UNC13C: variants seen among roughly 807,000 people sequenced by gnomAD.
UNC13C encodes unc-13 homolog C, also known as protein unc-13 homolog C.
Under a neutral mutation model 245.4 loss-of-function variants are expected in UNC13C, and 174 were observed. The observed-to-expected ratio is 0.71, with a 90% CI of 0.63 to 0.80. UNC13C has a LOEUF of 0.80. Among genes scored for constraint, UNC13C ranks in the 30% least tolerant of loss-of-function variants. The probability of loss-of-function intolerance (pLI) is 0.00; values close to 1 mark genes in which losing one functional copy is unlikely to be tolerated. For synonymous variants in UNC13C, 992 were observed against 895.1 expected (o/e 1.11, Z -1.93); for missense variants, 2,829 against 2,602.9 (o/e 1.09, Z -1.89).
chr15:54,195,131 TCAA>T (rs2034310599), intron 4 of UNC13C, among the ~76,000 whole-genome samples: 1 of 101,264 alleles, frequency 9.9e-6, no homozygotes. Context: ...AAATGGAATT[TCAA>T]TCCCCATGAT....
intron 19 of UNC13C, among the ~76,000 whole-genome samples, chr15:54,462,006 T>A (rs927380774): frequency 5.9e-5 from 9 of 152,170 alleles, no homozygotes; most frequent in Non-Finnish European, 1.2e-4. Context: ...TTTGTGGCCA[T>A]CACTTGAAGG....
intron 30 of UNC13C, 81 bp downstream of exon 30, chr15:54,568,028 C>A: frequency 3.6e-6 from 4 of 1,116,830 alleles, no homozygotes; most frequent in South Asian, 6.6e-5. Context: ...ATACATAGTC[C>A]CAATAATTTT....
In UNC13C at chr15:54,622,380, G is replaced by A. The variant is rs759743898; in HGVS notation, c.6160G>A (p.Ala2054Thr). 5 of 1,613,214 alleles carry A rather than the reference G, an allele frequency of 3.1e-6. No individual in the cohort carries two copies. Residue 2054 changes from alanine to threonine, a missense_variant, in exon 31 of 33, where the codon GCC becomes ACC. By Grantham distance (58) the Ala-to-Thr change is moderately conservative. Transcript: ENST00000260323. ...GQISVHVDIT[A>T]TPGTGDHKVT... is the part of the protein sequence containing the mutation. Reference sequence around the variant, plus strand: ...GATATCTGTTCATGTGGACATCACTGCCACCCCAGGAACGGGAGATCATAA... The same window carrying A: ...GATATCTGTTCATGTGGACATCACTACCACCCCAGGAACGGGAGATCATAA...
chr15:53,950,869 C>T, the UNC13C span, among the ~76,000 whole-genome samples: 1 of 152,158 alleles, frequency 6.6e-6, no homozygotes, highest in Admixed American at 6.5e-5. Flanking sequence ...AAGACAAGTC[C>T]ATGTCTTCAT....
At chr15:54,111,949 C>A (rs1900799382) in intron 2 of UNC13C, among the ~76,000 whole-genome samples, 1 of 152,100 alleles carries the variant, frequency 6.6e-6, no homozygotes, top group Admixed American at 6.6e-5. Flanking sequence ...GAACCTTTTG[C>A]CACAGAGGTT....
chr15:53,902,080 G>A, the UNC13C span, among the ~76,000 whole-genome samples: 16 of 148,910 alleles, frequency 1.1e-4, no homozygotes, highest in African/African-American at 3.9e-4. Flanking sequence ...GTTCTCTCAG[G>A]CATACTTTTT....
At chr15:54,579,818 G>A (rs1367247509) in intron 30 of UNC13C, among the ~76,000 whole-genome samples, 1 of 152,170 alleles carries the variant, frequency 6.6e-6, no homozygotes, top group Non-Finnish European at 1.5e-5. Context: ...TGCTTTGTGA[G>A]TAGCACAATC....
chr15:54,272,830 A>T (rs2036722366), intron 10 of UNC13C, among the ~76,000 whole-genome samples: 1 of 152,192 alleles, frequency 6.6e-6, no homozygotes. Context: ...GGAGTTATGG[A>T]GAGATCTAAA....
At chr15:54,616,872 T>G (rs1900471501) in intron 30 of UNC13C, among the ~76,000 whole-genome samples, 1 of 152,060 alleles carries the variant, frequency 6.6e-6, no homozygotes, top group African/African-American at 2.4e-5. Context: ...CAAGCTCCAT[T>G]CATGGTAAGG....
chr15:54,014,175 C>A lies in UNC13C; in HGVS notation c.1272C>A (p.Ser424=). Residue 424 remains serine, a synonymous_variant, in exon 2 of 33, where the codon TCC becomes TCA. Coordinates refer to ENST00000260323, the MANE Select transcript of UNC13C (RefSeq NM_001080534.3). ...GAAAAGAGAAAGGGATACCATCCTC[C>A]CAGACATATGAGAGCATGGCTATAA... ...RERKEKGIPS[S]QTYESMAIKL... The A allele has an allele frequency of 6.2e-7, 1 of 1,613,804 alleles. No homozygotes were observed. The highest frequency in any genetic ancestry group is 8.5e-7 in the Non-Finnish European group (1 of 1,179,832).
At chr15:54,160,028 C>A (rs374056383) in intron 4 of UNC13C, among the ~76,000 whole-genome samples, 1 of 152,038 alleles carries the variant, frequency 6.6e-6, no homozygotes, top group East Asian at 1.9e-4. Flanking sequence ...AAAAATTAAA[C>A]CTTTGTTGTG....
intron 25 of UNC13C, among the ~76,000 whole-genome samples, chr15:54,532,155 C>A (rs1486969835): frequency 6.6e-6 from 1 of 152,084 alleles, no homozygotes; most frequent in Non-Finnish European, 1.5e-5. Flanking sequence ...AGTTGTTTTT[C>A]CTGATCCTCT....
chr15:54,065,378 T>G (rs1898028974), intron 2 of UNC13C, among the ~76,000 whole-genome samples: 1 of 152,216 alleles, frequency 6.6e-6, no homozygotes, highest in Admixed American at 6.5e-5. Flanking sequence ...GCCCTCACTA[T>G]TCACCGTTTC....
chr15:53,865,647 C>A, the UNC13C span, among the ~76,000 whole-genome samples: 1 of 152,054 alleles, frequency 6.6e-6, no homozygotes, highest in Non-Finnish European at 1.5e-5. Flanking sequence ...ATAACAGTGA[C>A]ATGAGTAGGA....
chr15:54,540,051 G>C (rs561637175), intron 26 of UNC13C, among the ~76,000 whole-genome samples: 1 of 152,120 alleles, frequency 6.6e-6, no homozygotes, highest in East Asian at 1.9e-4. Flanking sequence ...AAATCCTCAG[G>C]GCTAATTCAG....
At chr15:54,076,726 A>G (rs972924929) in intron 2 of UNC13C, among the ~76,000 whole-genome samples, 7 of 152,142 alleles carry the variant, frequency 4.6e-5, no homozygotes, top group African/African-American at 1.7e-4. Context: ...CCAACACACA[A>G]ATACACACCT....
intron 18 of UNC13C, among the ~76,000 whole-genome samples, chr15:54,401,976 A>C (rs1485288554): frequency 6.6e-6 from 1 of 152,028 alleles, no homozygotes; most frequent in Non-Finnish European, 1.5e-5. Flanking sequence ...GATTTTTGGA[A>C]CCAAAGTAGC....
chr15:54,555,957 C>G (rs943876847), intron 29 of UNC13C, among the ~76,000 whole-genome samples: 3 of 152,148 alleles, frequency 2.0e-5, no homozygotes, highest in Non-Finnish European at 4.4e-5. Context: ...CCTCCCTTCT[C>G]GCTTAGTAAG....
At chr15:54,366,387 A>T (rs1381115314) in intron 17 of UNC13C, among the ~76,000 whole-genome samples, 1 of 152,142 alleles carries the variant, frequency 6.6e-6, no homozygotes, top group Admixed American at 6.6e-5. Context: ...TTTGCCTGAG[A>T]TTCATTTTCC....
Sources: allele counts gnomAD v4.1 joint callset (sites outside exome capture counted in the v4.1 genomes callset), GRCh38; gene constraint gnomAD v4.1.1; transcripts MANE v1.5; gene names NCBI Gene and HGNC (gene_info 2026-07-23, HGNC 2026-07-21).